CATSPERD: variants seen among roughly 807,000 people sequenced by gnomAD.
CATSPERD encodes cation channel sperm-associated auxiliary subunit delta.
A neutral mutation model predicts 98.1 loss-of-function variants in CATSPERD; 86 were observed. The observed-to-expected ratio is 0.88, with a 90% confidence interval of 0.74 to 1.05. CATSPERD has a LOEUF of 1.05. Ranked by LOEUF, CATSPERD falls within the 50% of genes least tolerant of loss-of-function variation. The probability of loss-of-function intolerance (pLI) is 0.00; values close to 1 mark genes in which losing one functional copy is unlikely to be tolerated. For synonymous variants in CATSPERD, 394 were observed against 390.2 expected (o/e 1.01, Z -0.12); for missense variants, 995 against 1,005.7 (o/e 0.99, Z 0.14).
intron 7 of CATSPERD, among the ~76,000 whole-genome samples, chr19:5,742,306 ATGTG>A (rs368232964): frequency 0.027 from 3,730 of 137,358 alleles, 182 homozygotes; most frequent in African/African-American, 0.095. Context: ...ACGTATGTGA[ATGTG>A]TGTGTGGGTG....
intron 21 of CATSPERD, among the ~76,000 whole-genome samples, chr19:5,778,022 G>A (rs1290882309): frequency 1.3e-5 from 2 of 151,520 alleles, no homozygotes; most frequent in Non-Finnish European, 2.9e-5. Flanking sequence ...CAGCCTGGCC[G>A]AGGTGAAACC....
chr19:5,724,595 C>T (rs1013375600), intron 1 of CATSPERD, among the ~76,000 whole-genome samples: 1 of 152,050 alleles, frequency 6.6e-6, no homozygotes, highest in Non-Finnish European at 1.5e-5. Flanking sequence ...GCTACTCTGG[C>T]GGCTGAGGCA....
At chr19:5,763,428 CT>C in intron 16 of CATSPERD, 135 bp downstream of exon 16, 1 of 618,882 alleles carries the variant, frequency 1.6e-6, no homozygotes, top group Non-Finnish European at 2.8e-6. Flanking sequence ...GAAACTCTGC[CT>C]CAAAAACTAA....
chr19:5,749,202 G>T lies in CATSPERD; in HGVS notation c.987+19G>T, dbSNP rs1210914867. On this transcript the variant is annotated intron_variant, in intron 11 of 21. Coordinates refer to ENST00000381624, the MANE Select transcript of CATSPERD (RefSeq NM_152784.4). ...AATCAAAGTAGGTAAAAAGAAAGTG[G>T]GGTTATGGGCTGGGCACGGTGGTTC... is the stretch of plus-strand genomic sequence containing the variant. The T allele has an allele frequency of 1.3e-6, 2 of 1,592,486 alleles. No homozygotes were observed. The highest frequency in any genetic ancestry group is 1.1e-5 in the South Asian group (1 of 90,022).
intron 16 of CATSPERD, among the ~76,000 whole-genome samples, chr19:5,764,465 G>A (rs530169812): frequency 4.7e-5 from 7 of 150,390 alleles, no homozygotes; most frequent in Admixed American, 1.3e-4. Flanking sequence ...ACAGGCGCCT[G>A]CCACCATGCC....
intron 15 of CATSPERD, among the ~76,000 whole-genome samples, chr19:5,762,058 A>ATATATATATATATATTTTTTTT: frequency 9.6e-5 from 1 of 10,434 alleles, no homozygotes; most frequent in Non-Finnish European, 1.8e-4. Context: ...ATATATATAT[A>ATATATATATATATATTTTTTTT]TTTTTTTTTT....
At chr19:5,737,251 A>T (rs1340075135) in intron 6 of CATSPERD, 46 bp downstream of exon 6, 1 of 1,303,820 alleles carries the variant, frequency 7.7e-7, no homozygotes, top group South Asian at 1.2e-5. Context: ...CTCTCCTCTG[A>T]ACACAAATAA....
rs1347144352 is a variant in CATSPERD at position 5,739,402 on chromosome 19, G to A, written c.536G>A (p.Gly179Glu). 6.3e-7 allele frequency: 1 copy of A among 1,580,498 alleles called. No homozygotes were observed. The highest frequency in any genetic ancestry group is 1.4e-5 in the African/African-American group (1 of 72,524). Residue 179 changes from glycine to glutamate, a missense_variant, in exon 7 of 22, where the codon GGG (glycine) becomes GAG (glutamate). Coordinates refer to ENST00000381624, the MANE Select transcript of CATSPERD (RefSeq NM_152784.4). ...ACTTATATATATTATTCAAATACTG[G>A]GGGATTCAGTTTTTGGAAGTATCAC... ...SQTYIYYSNTGGFSFWKYHYD... is the reference protein window; with the variant it reads ...SQTYIYYSNTEGFSFWKYHYD...
intron 1 of CATSPERD, among the ~76,000 whole-genome samples, chr19:5,723,939 A>G (rs987533712): frequency 7.2e-5 from 11 of 151,726 alleles, no homozygotes; most frequent in African/African-American, 2.7e-4. Context: ...ACCACACGCT[A>G]ATTTTGTATA....
chr19:5,754,847 CTTT>C (rs34200755), intron 13 of CATSPERD, among the ~76,000 whole-genome samples: 2 of 137,814 alleles, frequency 1.5e-5, no homozygotes, highest in Non-Finnish European at 1.6e-5. Flanking sequence ...TCTTCTTCTT[CTTT>C]TTTTTTTTTT....
intron 13 of CATSPERD, among the ~76,000 whole-genome samples, chr19:5,756,481 T>G (rs183830040): frequency 6.6e-6 from 1 of 152,186 alleles, no homozygotes; most frequent in Non-Finnish European, 1.5e-5. Context: ...TCCACATGTA[T>G]TATCTATTTG....
Position 5,746,071 on chromosome 19 carries a change from CA to C in CATSPERD, c.808+9del, listed in dbSNP as rs1339742337. 1 of 1,612,846 alleles carries C rather than the reference CA, an allele frequency of 6.2e-7. No individual in the cohort carries two copies. The highest frequency in any genetic ancestry group is 1.1e-5 in the South Asian group (1 of 91,020). On this transcript the variant is annotated intron_variant, in intron 9 of 21. Coordinates refer to ENST00000381624, the MANE Select transcript of CATSPERD (RefSeq NM_152784.4). ...TGTTTTCCCATAATGCAGGTGAGCC[CA>C]GGGGCCCAGGGTGGGGCTGCCGCCT...
intron 19 of CATSPERD, 116 bp downstream of exon 19, chr19:5,771,188 G>T: frequency 8.4e-7 from 1 of 1,190,958 alleles, no homozygotes; most frequent in Non-Finnish European, 1.2e-6. Context: ...AATGATGATG[G>T]TCACTGTTTC....
chr19:5,739,468 A>G (rs756518816), intron 7 of CATSPERD, 29 bp downstream of exon 7: 5 of 1,195,130 alleles, frequency 4.2e-6, no homozygotes, highest in Non-Finnish European at 6.1e-6. Flanking sequence ...GAATGTGAAA[A>G]TAAATACATA....
At chr19:5,744,182 G>A (rs953880573) in intron 7 of CATSPERD, among the ~76,000 whole-genome samples, 13 of 152,050 alleles carry the variant, frequency 8.5e-5, no homozygotes, top group Non-Finnish European at 1.5e-5. Flanking sequence ...GTTTCACCAT[G>A]TTGACCAGGC....
In CATSPERD at chr19:5,739,385, A is replaced by T; in HGVS notation, c.519A>T (p.Ile173=). Residue 173 remains isoleucine, a synonymous_variant, in exon 7 of 22, where the codon ATA becomes ATT. Transcript: ENST00000381624. ...FRGDQISQTY[I]YYSNTGGFSF... is the part of the protein sequence containing the mutation. The stretch of plus-strand genomic sequence containing the variant: ...GAGATCAGATATCCCAGACTTATAT[A>T]TATTATTCAAATACTGGGGGATTCA... 1 of 1,585,192 alleles carries T rather than the reference A, an allele frequency of 6.3e-7. No individual in the cohort carries two copies.
intron 20 of CATSPERD, among the ~76,000 whole-genome samples, chr19:5,774,061 G>A (rs1437152686): frequency 3.6e-5 from 5 of 139,974 alleles, no homozygotes; most frequent in African/African-American, 7.8e-5. Flanking sequence ...TCCACCTCCC[G>A]AGTTCAAGCA....
chr19:5,724,748 G>A (rs2055570756), intron 1 of CATSPERD, 60 bp from the exon 2 acceptor site: 1 of 1,532,914 alleles, frequency 6.5e-7, no homozygotes, highest in African/African-American at 1.4e-5. Flanking sequence ...TGGCTGAGTA[G>A]GAGGATTCAT....
chr19:5,735,065 A>T (rs888786585), intron 5 of CATSPERD, among the ~76,000 whole-genome samples: 1 of 152,172 alleles, frequency 6.6e-6, no homozygotes, highest in African/African-American at 2.4e-5. Flanking sequence ...TTTAGAAAAG[A>T]AGAGGATCGC....
Sources: gnomAD v4.1 joint callset for allele counts (sites outside exome capture counted in the v4.1 genomes callset) on GRCh38, gnomAD v4.1.1 for gene constraint, MANE v1.5 for transcripts, NCBI Gene and HGNC (gene_info 2026-07-23, HGNC 2026-07-21) for gene names.